The following EXOC6B variants were observed in gnomAD, a reference collection of about 807,000 sequenced individuals.
The protein encoded by EXOC6B is SEC15 homolog B.
A neutral mutation model predicts 113.5 loss-of-function variants in EXOC6B; 54 were observed. The observed-to-expected ratio is 0.48, with a 90% CI of 0.38 to 0.60. EXOC6B has a LOEUF of 0.60. EXOC6B is among the 20% of genes least tolerant of loss of function. The probability of loss-of-function intolerance (pLI) is 0.00; values close to 1 mark genes in which losing one functional copy is unlikely to be tolerated. For synonymous variants in EXOC6B, 357 were observed against 339.0 expected (o/e 1.05, Z -0.58); for missense variants, 797 against 977.5 (o/e 0.82, Z 2.46).
At chr2:72,728,552 T>C (rs1173660315) in intron 5 of EXOC6B, among the ~76,000 whole-genome samples, 6 of 152,166 alleles carry the variant, frequency 3.9e-5, no homozygotes, top group African/African-American at 1.4e-4. Flanking sequence ...TAAAACTTAC[T>C]CATGTTATAT....
chr2:72,282,508 A>C (rs949949355), intron 20 of EXOC6B, among the ~76,000 whole-genome samples: 1 of 152,096 alleles, frequency 6.6e-6, no homozygotes, highest in Non-Finnish European at 1.5e-5. Flanking sequence ...AAAGTTAAAA[A>C]AAAAAGAAAG....
chr2:72,526,535 T>C (rs1295545344), intron 8 of EXOC6B, among the ~76,000 whole-genome samples: 1 of 151,940 alleles, frequency 6.6e-6, no homozygotes, highest in Non-Finnish European at 1.5e-5. Context: ...TTGCTACACA[T>C]ACACACACAA....
intron 18 of EXOC6B, among the ~76,000 whole-genome samples, chr2:72,431,906 T>C (rs2105300596): frequency 6.6e-6 from 1 of 152,308 alleles, no homozygotes; most frequent in African/African-American, 2.4e-5. Flanking sequence ...TGTTTGGTTT[T>C]CTGTTCCTGT....
chr2:72,726,475 T>C (rs76155380), intron 5 of EXOC6B, among the ~76,000 whole-genome samples: 1 of 152,094 alleles, frequency 6.6e-6, no homozygotes, highest in African/African-American at 2.4e-5. Flanking sequence ...ATATTAAAGG[T>C]TGTCATTTAA....
intron 20 of EXOC6B, among the ~76,000 whole-genome samples, chr2:72,192,104 G>A (rs772643791): frequency 3.9e-5 from 6 of 152,056 alleles, no homozygotes; most frequent in East Asian, 1.9e-4. Flanking sequence ...CCCTACCTTC[G>A]TTGCCAATTC....
chr2:72,414,010 T>A (rs1222729901), intron 18 of EXOC6B, among the ~76,000 whole-genome samples: 1 of 152,234 alleles, frequency 6.6e-6, no homozygotes, highest in Non-Finnish European at 1.5e-5. Flanking sequence ...AGTAACCTAC[T>A]TAATATTCCC....
chr2:72,429,305 G>A (rs1695383847), intron 18 of EXOC6B, among the ~76,000 whole-genome samples: 1 of 152,208 alleles, frequency 6.6e-6, no homozygotes, highest in Admixed American at 6.5e-5. Flanking sequence ...TGAAGATATT[G>A]AAAGATAACT....
chr2:72,792,879 C>T (rs1684751430), intron 1 of EXOC6B, among the ~76,000 whole-genome samples: 1 of 152,124 alleles, frequency 6.6e-6, no homozygotes, highest in Non-Finnish European at 1.5e-5. Context: ...TATATGTATA[C>T]ATCTACAAAT....
chr2:72,396,219 C>G (rs2105133909), intron 18 of EXOC6B, among the ~76,000 whole-genome samples: 1 of 152,172 alleles, frequency 6.6e-6, no homozygotes, highest in South Asian at 2.1e-4. Context: ...CTCTCTTCTT[C>G]ACTGCTTCTG....
At chr2:72,198,998 C>G (rs1213116278) in intron 20 of EXOC6B, among the ~76,000 whole-genome samples, 1 of 152,112 alleles carries the variant, frequency 6.6e-6, no homozygotes, top group African/African-American at 2.4e-5. Flanking sequence ...TGGAAAGAAC[C>G]TCCAAGAAGA....
intron 1 of EXOC6B, among the ~76,000 whole-genome samples, chr2:72,782,684 A>T (rs936294077): frequency 6.6e-6 from 1 of 151,866 alleles, no homozygotes; most frequent in Non-Finnish European, 1.5e-5. Flanking sequence ...CCTCCCACAC[A>T]CCCACCCTCC....
At chr2:72,543,429 T>C (rs1182010807) in intron 8 of EXOC6B, among the ~76,000 whole-genome samples, 1 of 152,016 alleles carries the variant, frequency 6.6e-6, no homozygotes, top group Middle Eastern at 3.2e-3. Flanking sequence ...TTACATGAGA[T>C]ATTATTATTA....
At chr2:72,707,087 C>G (rs532134300) in intron 6 of EXOC6B, among the ~76,000 whole-genome samples, 5 of 152,264 alleles carry the variant, frequency 3.3e-5, no homozygotes, top group Admixed American at 1.3e-4. Context: ...CAGCTGATAC[C>G]CCAGACGTCT....
chr2:72,778,902 A>T (rs1038858597), intron 1 of EXOC6B, among the ~76,000 whole-genome samples: 38 of 152,298 alleles, frequency 2.5e-4, no homozygotes, highest in African/African-American at 7.5e-4. Flanking sequence ...TAGTTTTTTT[A>T]AAAAAGCAGG....
intron 1 of EXOC6B, among the ~76,000 whole-genome samples, chr2:72,751,742 AAAG>A (rs1446223255): frequency 1.3e-5 from 2 of 152,132 alleles, no homozygotes; most frequent in East Asian, 1.9e-4. Context: ...GGAAAACACT[AAAG>A]AAGAGAATGG....
intron 1 of EXOC6B, among the ~76,000 whole-genome samples, chr2:72,796,043 G>C (rs563012869): frequency 6.6e-6 from 1 of 151,540 alleles, no homozygotes; most frequent in African/African-American, 2.4e-5. Context: ...GGCTGGTCTC[G>C]AACTCCTGAC....
Position 72,357,689 on chromosome 2 carries a change from T to TAA in EXOC6B, c.2122+22038_2122+22039dup, listed in dbSNP as rs148273222. ...CTGGGCAACAGAGCAAGACTGCCTT[T>TAA]AAAAAAAAAAAAGATGATAATGGAA... On this transcript the variant is annotated intron_variant, in intron 19 of 21. Coordinates refer to ENST00000272427, the MANE Select transcript of EXOC6B (RefSeq NM_015189.3). Among the ~76,000 whole-genome samples, 1,004 of 146,824 alleles carry TAA rather than the reference T, an allele frequency of 6.8e-3. 10 individuals carry two copies. Among genetic ancestry groups the TAA allele is most frequent in the Non-Finnish European group, 0.01 (687 of 66,328 alleles).
intron 16 of EXOC6B, among the ~76,000 whole-genome samples, chr2:72,484,267 C>A (rs1699286716): frequency 6.6e-6 from 1 of 151,592 alleles, no homozygotes; most frequent in South Asian, 2.1e-4. Flanking sequence ...TCTTAAAGAT[C>A]CGTCCCCTCA....
intron 18 of EXOC6B, among the ~76,000 whole-genome samples, chr2:72,422,524 A>T (rs1177592289): frequency 6.6e-6 from 1 of 151,850 alleles, no homozygotes; most frequent in Non-Finnish European, 1.5e-5. Flanking sequence ...GACACTCTGT[A>T]TCTAGCTGCT....
Sources: gnomAD v4.1 joint callset for allele counts (sites outside exome capture counted in the v4.1 genomes callset) on GRCh38, gnomAD v4.1.1 for gene constraint, MANE v1.5 for transcripts, NCBI Gene and HGNC (gene_info 2026-07-23, HGNC 2026-07-21) for gene names.